SLC16A12: variants seen among roughly 807,000 people sequenced by gnomAD.
SLC16A12 encodes solute carrier family 16 member 12.
In SLC16A12, 17 loss-of-function variants were observed where a neutral mutation model predicts 42.4. The observed-to-expected ratio is 0.40, with a 90% CI of 0.27 to 0.60. The LOEUF is 0.60. SLC16A12 is among the 20% of genes least tolerant of loss of function. SLC16A12 has a pLI of 0.42. For missense variants in SLC16A12, 544 were observed against 623.0 expected (o/e 0.87, Z 1.35); for synonymous variants, 224 against 229.4 (o/e 0.98, Z 0.21).
intron 2 of SLC16A12, among the ~76,000 whole-genome samples, chr10:89,500,168 A>T (rs898463389): frequency 3.3e-5 from 5 of 152,192 alleles, no homozygotes; most frequent in African/African-American, 1.2e-4. Flanking sequence ...AACAAAAAAA[A>T]GTCCAGGACC....
chr10:89,553,204 C>G (rs890569370), intron 2 of SLC16A12, among the ~76,000 whole-genome samples: 10 of 152,230 alleles, frequency 6.6e-5, no homozygotes, highest in African/African-American at 2.4e-4. Context: ...GAATGTCTGA[C>G]TTGCTCAGAA....
At chr10:89,504,585 A>C (rs1017292050) in intron 2 of SLC16A12, among the ~76,000 whole-genome samples, 1 of 152,182 alleles carries the variant, frequency 6.6e-6, no homozygotes, top group Non-Finnish European at 1.5e-5. Context: ...ATAAATACTC[A>C]CTATAAGGCC....
At chr10:89,537,185 T>G (rs1843679961), upstream of SLC16A12, among the ~76,000 whole-genome samples, 1 of 149,660 alleles carries the variant, frequency 6.7e-6, no homozygotes, top group Non-Finnish European at 1.5e-5. Flanking sequence ...TCTCGTTTTG[T>G]TTGTTTTCTA....
At chr10:89,532,793 A>C (rs1416435935) in intron 2 of SLC16A12, among the ~76,000 whole-genome samples, 1 of 152,256 alleles carries the variant, frequency 6.6e-6, no homozygotes, top group Non-Finnish European at 1.5e-5. Context: ...GAAAATGCTT[A>C]AAACTGGAAT....
intron 2 of SLC16A12, among the ~76,000 whole-genome samples, chr10:89,481,831 A>T (rs1169676822): frequency 6.6e-6 from 1 of 152,276 alleles, no homozygotes; most frequent in African/African-American, 2.4e-5. Context: ...CTTTAGGACA[A>T]CTGCACTACA....
chr10:89,537,152 T>G (rs1480507986), upstream of SLC16A12, among the ~76,000 whole-genome samples: 13 of 151,156 alleles, frequency 8.6e-5, no homozygotes, highest in South Asian at 4.2e-4. Context: ...TATGTTTTTT[T>G]TTTTTTTTTT....
At chr10:89,481,986 A>G (rs1458927748) in intron 2 of SLC16A12, among the ~76,000 whole-genome samples, 4 of 152,166 alleles carry the variant, frequency 2.6e-5, no homozygotes, top group Non-Finnish European at 5.9e-5. Context: ...ACAAGTTAAT[A>G]TTTTCAGGAT....
intron 2 of SLC16A12, among the ~76,000 whole-genome samples, chr10:89,473,620 TC>T (rs1254151339): frequency 3.3e-5 from 5 of 152,218 alleles, no homozygotes; most frequent in African/African-American, 9.7e-5. Context: ...GTAATTTTTT[TC>T]GTATCTATAT....
In SLC16A12 at chr10:89,486,899, A is replaced by G. The variant is rs150333512; in HGVS notation, c.-46-24275T>C. 2.1e-3 allele frequency among the ~76,000 whole-genome samples: 319 copies of G among 152,314 alleles called. 1 individual carries two copies. The highest frequency in any genetic ancestry group is 7.4e-3 in the African/African-American group (308 of 41,566). On this transcript the variant is annotated intron_variant, in intron 2 of 7. Coordinates refer to ENST00000371790, the MANE Select transcript of SLC16A12 (RefSeq NM_213606.4). The stretch of plus-strand genomic sequence containing the variant: ...TTCTGCTTAGTAAATCAAAGGTTCT[A>G]GATCAAAAAGCAACAGATACAGTGT...
At chr10:89,455,843 C>T (rs576012976) in intron 3 of SLC16A12, among the ~76,000 whole-genome samples, 2 of 152,184 alleles carry the variant, frequency 1.3e-5, no homozygotes, top group Non-Finnish European at 2.9e-5. Flanking sequence ...TTTTGGTAAA[C>T]ATGACTGCAT....
At chr10:89,512,496 G>A (rs1843179393) in intron 2 of SLC16A12, among the ~76,000 whole-genome samples, 2 of 152,138 alleles carry the variant, frequency 1.3e-5, no homozygotes, top group African/African-American at 4.8e-5. Flanking sequence ...TTAGGGGAAG[G>A]AATAGGGCCT....
intron 2 of SLC16A12, among the ~76,000 whole-genome samples, chr10:89,493,751 A>C (rs303175): frequency 0.23 from 34,920 of 152,150 alleles, 4,791 homozygotes; most frequent in Non-Finnish European, 0.32. Flanking sequence ...AGGCCTAAAC[A>C]AATGCATTTT....
At chr10:89,440,489 A>G (rs894384007) in intron 5 of SLC16A12, among the ~76,000 whole-genome samples, 4 of 152,044 alleles carry the variant, frequency 2.6e-5, no homozygotes, top group African/African-American at 9.7e-5. Context: ...AGTTGGCGCT[A>G]CTCTCCACAC....
intron 3 of SLC16A12, among the ~76,000 whole-genome samples, chr10:89,460,663 T>C (rs1842283813): frequency 6.7e-6 from 1 of 148,174 alleles, no homozygotes; most frequent in South Asian, 2.1e-4. Flanking sequence ...GAGAATCGCT[T>C]GAATCTGGGA....
chr10:89,433,296 G>A lies in SLC16A12; in HGVS notation c.1319C>T (p.Thr440Ile). The change falls in exon 8 of 8, where the codon ACT becomes ATT. Residue 440 changes from threonine (T) to isoleucine (I), a missense_variant. By Grantham distance (89) the Thr-to-Ile change is moderately conservative. Coordinates refer to ENST00000371790, the MANE Select transcript of SLC16A12 (RefSeq NM_213606.4). ...GRLVDTTGSY[T>I]AAFLLCGFSM... is the part of the protein sequence containing the mutation. Reference sequence around the variant, plus strand: ...AAATCCACAGAGGAGGAATGCTGCAGTGTAGCTGCCGGTGGTATCTACCAG... The same window carrying A: ...AAATCCACAGAGGAGGAATGCTGCAATGTAGCTGCCGGTGGTATCTACCAG... 1.2e-6 allele frequency: 2 copies of A among 1,614,116 alleles called. No individual in the cohort carries two copies. The highest frequency in any genetic ancestry group is 1.7e-6 in the Non-Finnish European group (2 of 1,180,032).
At chr10:89,504,051 T>C (rs1250431042) in intron 2 of SLC16A12, among the ~76,000 whole-genome samples, 1 of 152,140 alleles carries the variant, frequency 6.6e-6, no homozygotes. Context: ...GCCTCCCCAA[T>C]ACACAATTTT....
chr10:89,441,768 T>C (rs1841915461), intron 4 of SLC16A12, among the ~76,000 whole-genome samples: 1 of 152,138 alleles, frequency 6.6e-6, no homozygotes, highest in South Asian at 2.1e-4. Flanking sequence ...GGTTGAGATA[T>C]CAAAGCCCAG....
Position 89,477,564 on chromosome 10 carries a change from CAAAA to C in SLC16A12, c.-46-14944_-46-14941del, listed in dbSNP as rs34204051. Among the ~76,000 whole-genome samples the C allele has an allele frequency of 1.2e-4, 6 of 49,258 alleles. No homozygotes were observed. The East Asian group carries it at 2.6e-3, about 22-fold the overall frequency. 32.3% of individuals were successfully genotyped at this position (49,258 alleles called of 152,430 possible). On this transcript the variant is annotated intron_variant, in intron 2 of 7. Coordinates refer to ENST00000371790, the MANE Select transcript of SLC16A12 (RefSeq NM_213606.4). Reference sequence around the variant, plus strand: ...GGGCAACAAGAGCAAAACTCTGTCTCAAAAAAAAAAAAAAAAAAAAAAAAAGATG... The same window carrying C: ...GGGCAACAAGAGCAAAACTCTGTCTCAAAAAAAAAAAAAAAAAAAAAGATG...
At chr10:89,540,580 C>T (rs550711149), upstream of SLC16A12, among the ~76,000 whole-genome samples, 1 of 152,282 alleles carries the variant, frequency 6.6e-6, no homozygotes, top group South Asian at 2.1e-4. Context: ...CAGTTCTGAC[C>T]TCCCTCTGAA....
Sources: allele counts gnomAD v4.1 joint callset (sites outside exome capture counted in the v4.1 genomes callset), GRCh38; gene constraint gnomAD v4.1.1; transcripts MANE v1.5; gene names NCBI Gene and HGNC (gene_info 2026-07-23, HGNC 2026-07-21).